ACER1: variants seen among roughly 807,000 people sequenced by gnomAD.
ACER1 encodes the protein CTB-180A7.3.
ACER1 carries 28 observed loss-of-function variants against 24.9 expected under a neutral mutation model. The observed-to-expected ratio is 1.13, with a 90% CI of 0.83 to 1.54. The LOEUF (loss-of-function observed/expected upper bound fraction) is 1.54, where lower values mean the gene tolerates loss of function less well. Ranked by LOEUF, ACER1 falls within the 40% of genes most tolerant of loss-of-function variation. ACER1 has a pLI of 0.00. For synonymous variants in ACER1, 132 were observed against 131.4 expected (o/e 1.00, Z -0.03); for missense variants, 352 against 349.3 (o/e 1.01, Z -0.06).
In ACER1 at chr19:6,306,712, T is replaced by A; in HGVS notation, c.*2A>T. 6.2e-7 allele frequency: 1 copy of A among 1,603,290 alleles called. No homozygotes were observed. The highest frequency in any genetic ancestry group is 8.5e-7 in the Non-Finnish European group (1 of 1,173,680). ...GTTGGATAGTCAAGAGGCTGGCAGG[T>A]CTCAGCAGTCCTTGTCATCACCCCG... On this transcript the variant is annotated 3_prime_UTR_variant, in exon 6 of 6. Transcript: ENST00000301452.
chr19:6,347,109 A>AAAATAT, the ACER1 span, among the ~76,000 whole-genome samples: 437 of 113,724 alleles, frequency 3.8e-3, 10 homozygotes, highest in African/African-American at 0.021. Context: ...AAAAAAAAAA[A>AAAATAT]ATATATATAT....
chr19:6,306,843 G>T lies in ACER1; in HGVS notation c.666C>A (p.Val222=). The T allele has an allele frequency of 6.2e-7, 1 of 1,614,146 alleles. No individual in the cohort carries two copies. The change falls in exon 6 of 6, where the codon GTC becomes GTA. Residue 222 remains valine, a synonymous_variant. Transcript: ENST00000301452. ...AGTTGGCATCCACCAAGGCCATGGT[G>T]ACCATGCCATAAGGGAAGGTGATGC... The part of the protein sequence containing the change: ...LISITFPYGM[V]TMALVDANYE...
chr19:6,310,711 T>A (rs1005266838), intron 3 of ACER1, among the ~76,000 whole-genome samples: 11 of 151,614 alleles, frequency 7.3e-5, no homozygotes, highest in African/African-American at 2.7e-4. Flanking sequence ...AAACCCTGTC[T>A]CTACCAAAAA....
At chr19:6,349,139 GAAGA>G in the ACER1 span, among the ~76,000 whole-genome samples, 1 of 149,050 alleles carries the variant, frequency 6.7e-6, no homozygotes, top group African/African-American at 2.5e-5. Flanking sequence ...GGAAGAAGAA[GAAGA>G]AAGAAAGAAG....
At position 6,323,104 on chromosome 19, in the gene ACER1, C is replaced by T. The variant is rs1189340924; in HGVS notation, c.93+10355G>A. ...TCCAGCCTGGGCAACAAGAGTGAAA[C>T]TCTGTCTCAAAACAAACAAACAAAA... On this transcript the variant is annotated intron_variant, in intron 1 of 5. Coordinates refer to ENST00000301452, the MANE Select transcript of ACER1 (RefSeq NM_133492.3). Among the ~76,000 whole-genome samples, 3 of 151,712 alleles carry T rather than the reference C, an allele frequency of 2.0e-5. No individual in the cohort carries two copies. The Admixed American group carries it at 2.0e-4, about 10-fold the overall frequency.
At chr19:6,355,955 C>A in the ACER1 span, among the ~76,000 whole-genome samples, 1 of 151,922 alleles carries the variant, frequency 6.6e-6, no homozygotes, top group Non-Finnish European at 1.5e-5. Context: ...CCAGCCACCA[C>A]CCCGTCTGGG....
the ACER1 span, among the ~76,000 whole-genome samples, chr19:6,345,248 G>T: frequency 6.6e-6 from 1 of 152,066 alleles, no homozygotes; most frequent in African/African-American, 2.4e-5. Context: ...TTGGCACACG[G>T]TCACACCCAT....
chr19:6,323,715 T>C, intron 1 of ACER1, among the ~76,000 whole-genome samples: 1 of 152,206 alleles, frequency 6.6e-6, no homozygotes, highest in East Asian at 1.9e-4. Context: ...TTGCTTTTGG[T>C]AGGGCCTGGC....
the ACER1 span, among the ~76,000 whole-genome samples, chr19:6,347,932 G>A: frequency 6.6e-6 from 1 of 151,434 alleles, no homozygotes; most frequent in African/African-American, 2.4e-5. Flanking sequence ...GCTCATGCCT[G>A]TAATCCCAGC....
chr19:6,350,038 G>A, the ACER1 span, among the ~76,000 whole-genome samples: 11 of 152,306 alleles, frequency 7.2e-5, no homozygotes, highest in East Asian at 2.1e-3. Context: ...GGCTAAGGCA[G>A]GAGGATCGCT....
In ACER1 at chr19:6,310,244, C is replaced by T. The variant is rs184255797; in HGVS notation, c.351-410G>A. On this transcript the variant is annotated intron_variant, in intron 3 of 5. Transcript: ENST00000301452. ...CTGGGACTACAGGCGCCCGCCACCACGCCCGGCTCATTTTTTATATTTTTA... is the reference window on the plus strand; with the variant it reads ...CTGGGACTACAGGCGCCCGCCACCATGCCCGGCTCATTTTTTATATTTTTA... Among the ~76,000 whole-genome samples the T allele has an allele frequency of 3.4e-3, 516 of 151,890 alleles. 5 individuals carry two copies. The highest frequency in any genetic ancestry group is 0.012 in the African/African-American group (479 of 41,418).
At chr19:6,357,675 A>C in the ACER1 span, among the ~76,000 whole-genome samples, 2 of 151,664 alleles carry the variant, frequency 1.3e-5, no homozygotes, top group African/African-American at 4.8e-5. Context: ...AGGCCCGAGA[A>C]TCGCTTGAAC....
chr19:6,324,380 T>C (rs2091648239), intron 1 of ACER1, among the ~76,000 whole-genome samples: 1 of 151,562 alleles, frequency 6.6e-6, no homozygotes, highest in Non-Finnish European at 1.5e-5. Context: ...GGTCTCACTC[T>C]GTTGCCCAGG....
chr19:6,355,104 C>T, the ACER1 span, among the ~76,000 whole-genome samples: 2 of 152,122 alleles, frequency 1.3e-5, no homozygotes, highest in Non-Finnish European at 2.9e-5. Flanking sequence ...GGATTGCAGA[C>T]GGAGTCTGGT....
intron 4 of ACER1, among the ~76,000 whole-genome samples, chr19:6,307,948 C>T (rs541618982): frequency 4.0e-5 from 6 of 151,004 alleles, no homozygotes; most frequent in African/African-American, 1.2e-4. Context: ...AAAAATTAGC[C>T]GGCCATGGTG....
chr19:6,306,563 A>G lies in ACER1; in HGVS notation c.*151T>C. On this transcript the variant is annotated 3_prime_UTR_variant, in exon 6 of 6. Coordinates refer to ENST00000301452, the MANE Select transcript of ACER1 (RefSeq NM_133492.3). ...TGTCACAAAGTCCATCATCTGCCTC[A>G]AGGCAGGGCAGCGCAGGACAAGGAG... 1.1e-6 allele frequency: 1 copy of G among 931,330 alleles called. No individual in the cohort carries two copies. Among genetic ancestry groups the G allele is most frequent in the Non-Finnish European group, 1.6e-6 (1 of 643,454 alleles). 57.7% of individuals were successfully genotyped at this position (931,330 alleles called of 1,614,324 possible). A position where few individuals can be genotyped will look rare whatever the true frequency, so the allele number is the denominator to read the frequency against.
chr19:6,337,154 C>T (rs1330510108), upstream of ACER1, among the ~76,000 whole-genome samples: 2 of 147,088 alleles, frequency 1.4e-5, no homozygotes, highest in Non-Finnish European at 1.5e-5. Flanking sequence ...CCAGCCTGGG[C>T]GACAGGGTGA....
upstream of ACER1, among the ~76,000 whole-genome samples, chr19:6,337,579 G>A (rs2091718934): frequency 6.8e-6 from 1 of 146,280 alleles, no homozygotes; most frequent in Non-Finnish European, 1.5e-5. Flanking sequence ...TGAGCCTTCT[G>A]AGTAGCTGGG....
At chr19:6,360,227 G>A in the ACER1 span, 3 of 152,050 alleles carry the variant, frequency 2.0e-5, no homozygotes, top group Non-Finnish European at 4.4e-5. Context: ...CCTTCTCTGG[G>A]CTCCCACAAT....
Sources: gnomAD v4.1 joint callset for allele counts (sites outside exome capture counted in the v4.1 genomes callset) on GRCh38, gnomAD v4.1.1 for gene constraint, MANE v1.5 for transcripts, NCBI Gene and HGNC (gene_info 2026-07-23, HGNC 2026-07-21) for gene names.